SLC44A2: variants seen among roughly 807,000 people sequenced by gnomAD.
The protein encoded by SLC44A2 is choline transporter-like protein 2.
SLC44A2 carries 57 observed loss-of-function variants against 90.8 expected under a neutral mutation model. The ratio of observed to expected loss-of-function variants is 0.63; its 90% CI spans 0.51 to 0.78. The LOEUF is 0.78. Among genes scored for constraint, SLC44A2 ranks in the 30% least tolerant of loss-of-function variants. The pLI is 0.00. For synonymous variants in SLC44A2, 355 were observed against 360.7 expected (o/e 0.98, Z 0.18); for missense variants, 794 against 919.7 (o/e 0.86, Z 1.77).
At chr19:10,607,204 C>T (rs1918135797) in intron 1 of SLC44A2, among the ~76,000 whole-genome samples, 1 of 152,048 alleles carries the variant, frequency 6.6e-6, no homozygotes, top group Non-Finnish European at 1.5e-5. Flanking sequence ...TGAGCCACCT[C>T]GCCCGGCCTC....
upstream of SLC44A2, among the ~76,000 whole-genome samples, chr19:10,621,641 G>A (rs529890944): frequency 5.9e-5 from 9 of 151,530 alleles, no homozygotes; most frequent in South Asian, 2.1e-4. Context: ...TTTTTGAGAC[G>A]GAGTTTCACT....
In SLC44A2 at chr19:10,637,116, G is replaced by A. The variant is rs1032200746; in HGVS notation, c.1591+360G>A. On this transcript the variant is annotated intron_variant, in intron 16 of 21. Transcript: ENST00000335757. ...CACGCCTGTAATCCCAGCACTTTGGGAGGCTGAGGCGAGCGGATCACCTGA... is the reference window on the plus strand; with the variant it reads ...CACGCCTGTAATCCCAGCACTTTGGAAGGCTGAGGCGAGCGGATCACCTGA... The A allele has an allele frequency of 5.9e-5, 14 of 237,278 alleles. No homozygotes were observed. The East Asian group carries it at 8.8e-4, about 15-fold the overall frequency. 14.7% of individuals were successfully genotyped at this position (237,278 alleles called of 1,614,324 possible).
At chr19:10,633,066 A>G (rs1408298635) in intron 10 of SLC44A2, among the ~76,000 whole-genome samples, 1 of 152,140 alleles carries the variant, frequency 6.6e-6, no homozygotes, top group Non-Finnish European at 1.5e-5. Flanking sequence ...AAATATGGGT[A>G]GGGGCCTGTT....
chr19:10,625,367 G>A (rs1394087344), upstream of SLC44A2: 3 of 879,684 alleles, frequency 3.4e-6, no homozygotes, highest in East Asian at 3.8e-5. Context: ...GAAGCCGCAG[G>A]GTTCCCGGGT....
At position 10,635,076 on chromosome 19, in the gene SLC44A2, G is replaced by T. The variant is rs866806752; in HGVS notation, c.1055+3G>T. 9.9e-6 allele frequency: 16 copies of T among 1,614,004 alleles called. No homozygotes were observed. The highest frequency in any genetic ancestry group is 1.6e-4 in the Middle Eastern group (1 of 6,062). On this transcript the variant is annotated splice_donor_region_variant and intron_variant, in intron 12 of 21. Coordinates refer to ENST00000335757, the MANE Select transcript of SLC44A2 (RefSeq NM_020428.4). ...GCACTCATCAAAGAAGCCAGCAGGT[G>T]GGGGGCCAGGGTGCCAGGGGCCAGG...
At chr19:10,627,898 G>A (rs2066951213) in intron 3 of SLC44A2, 22 bp from the exon 4 acceptor site, 3 of 1,613,326 alleles carry the variant, frequency 1.9e-6, no homozygotes, top group Non-Finnish European at 2.5e-6. Context: ...CAGTGTCTCA[G>A]TATCCCTGGA....
intron 1 of SLC44A2, among the ~76,000 whole-genome samples, chr19:10,617,363 G>A (rs1015531365): frequency 6.6e-6 from 1 of 152,100 alleles, no homozygotes; most frequent in African/African-American, 2.4e-5. Context: ...AGGTTAATAA[G>A]AGCTAATGGA....
At chr19:10,610,333 T>G (rs1788439144) in intron 1 of SLC44A2, among the ~76,000 whole-genome samples, 1 of 120,074 alleles carries the variant, frequency 8.3e-6, no homozygotes, top group African/African-American at 3.1e-5. Flanking sequence ...TTCTTTTCCT[T>G]TTTTTTTTTT....
At position 10,632,071 on chromosome 19, in the gene SLC44A2, C is replaced by T. The variant is rs764788834; in HGVS notation, c.738C>T (p.Ser246=). The part of the protein sequence containing the change: ...IIGLVIAMAM[S]LLFIILLRFL... ...GCCTGGTCATTGCCATGGCGATGAG[C>T]CTCCTGTTCATCATCCTGCTTCGCT... The change falls in exon 10 of 22, where the codon AGC becomes AGT. Residue 246 remains serine (S), a synonymous_variant. Coordinates refer to ENST00000335757, the MANE Select transcript of SLC44A2 (RefSeq NM_020428.4). 3 of 1,614,120 alleles carry T rather than the reference C, an allele frequency of 1.9e-6. No individual in the cohort carries two copies. Among genetic ancestry groups the T allele is most frequent in the Non-Finnish European group, 2.5e-6 (3 of 1,180,012 alleles).
At chr19:10,637,441 T>C in intron 16 of SLC44A2, 2 of 583,226 alleles carry the variant, frequency 3.4e-6, no homozygotes, top group Non-Finnish European at 6.1e-6. Context: ...ACAGGATCTC[T>C]CACCCTGTCA....
chr19:10,618,042 C>T (rs1478854073), intron 1 of SLC44A2, among the ~76,000 whole-genome samples: 1 of 152,150 alleles, frequency 6.6e-6, no homozygotes, highest in African/African-American at 2.4e-5. Context: ...TCACTCTTCT[C>T]ATCCAGGCTG....
Position 10,627,708 on chromosome 19 carries a change from C to T in SLC44A2, c.87-14C>T. ...CACCAAGCCTCCTCCAAACACTGCC[C>T]CTCTGCTCCCCAGGGGCTGCACGGA... On this transcript the variant is annotated splice_polypyrimidine_tract_variant and intron_variant, in intron 2 of 21. Transcript: ENST00000335757. 6.2e-7 allele frequency: 1 copy of T among 1,612,608 alleles called. No homozygotes were observed. The highest frequency in any genetic ancestry group is 1.1e-5 in the South Asian group (1 of 90,984).
At position 10,632,111 on chromosome 19, in the gene SLC44A2, A is replaced by G. The variant is rs1254298388; in HGVS notation, c.778A>G (p.Met260Val). ...IILLRFLAGIMVWVMIIMVIL... is the reference protein window; with the variant it reads ...IILLRFLAGIVVWVMIIMVIL... ...CCTGCTTCGCTTCCTGGCTGGTATT[A>G]TGGTCTGGGTGATGATCATCATGGT... The change falls in exon 10 of 22, where the codon ATG becomes GTG. Residue 260 changes from methionine (M) to valine (V), a missense_variant. Transcript: ENST00000335757. 5 of 1,613,884 alleles carry G rather than the reference A, an allele frequency of 3.1e-6. No individual in the cohort carries two copies. Among genetic ancestry groups the G allele is most frequent in the Non-Finnish European group, 4.2e-6 (5 of 1,179,964 alleles).
Position 10,636,756 on chromosome 19 carries a change from G to A in SLC44A2, c.1591G>A (p.Ala531Thr). 1 of 1,613,272 alleles carries A rather than the reference G, an allele frequency of 6.2e-7. No individual in the cohort carries two copies. Among genetic ancestry groups the A allele is most frequent in the Non-Finnish European group, 8.5e-7 (1 of 1,179,578 alleles). ...CGAGTACCTGGATCAGCGGCTGAAAGGTACGTCCCACCCACGGTTCGCATT... is the reference window on the plus strand; with the variant it reads ...CGAGTACCTGGATCAGCGGCTGAAAAGTACGTCCCACCCACGGTTCGCATT... Reference protein sequence around the residue: ...ILEYLDQRLKAAENKFAKCLM... With the variant: ...ILEYLDQRLKTAENKFAKCLM... The change falls in exon 16 of 22, where the codon GCT becomes ACT. Residue 531 changes from alanine (A) to threonine (T), a missense_variant and splice_region_variant. Ala to Thr is a moderately conservative substitution (Grantham distance 58). Coordinates refer to ENST00000335757, the MANE Select transcript of SLC44A2 (RefSeq NM_020428.4).
intron 21 of SLC44A2, 193 bp from the exon 22 acceptor site, chr19:10,643,086 G>A (rs2067136069): frequency 2.1e-6 from 3 of 1,456,716 alleles, no homozygotes; most frequent in East Asian, 2.4e-5. Flanking sequence ...GAAGCGGGGG[G>A]GTTCCTGGCC....
At chr19:10,606,254 C>T (rs1409884400) in intron 1 of SLC44A2, among the ~76,000 whole-genome samples, 10 of 149,972 alleles carry the variant, frequency 6.7e-5, no homozygotes, top group South Asian at 2.1e-4. Flanking sequence ...GCAAAGATAG[C>T]GCCACTGCAC....
chr19:10,612,905 T>C (rs892393983), intron 1 of SLC44A2, among the ~76,000 whole-genome samples: 4 of 152,212 alleles, frequency 2.6e-5, no homozygotes, highest in African/African-American at 9.6e-5. Context: ...GGAAAAGGCC[T>C]GGGTTGGCTC....
In SLC44A2 at chr19:10,637,721, T is replaced by A. The variant is rs553168547; in HGVS notation, c.1669T>A (p.Phe557Ile). 1.2e-6 allele frequency: 2 copies of A among 1,613,978 alleles called. No homozygotes were observed. The highest frequency in any genetic ancestry group is 1.7e-6 in the Non-Finnish European group (2 of 1,180,018). ...CTGGTGCCTGGAGAAGTTCATCAAA[T>A]TCCTTAATAGGAATGCCTACATCAT... ...CFWCLEKFIK[F>I]LNRNAYIMIA... The change falls in exon 17 of 22, where the codon TTC becomes ATC. Residue 557 changes from phenylalanine (F) to isoleucine (I), a missense_variant. Transcript: ENST00000335757.
At chr19:10,642,527 C>A in intron 21 of SLC44A2, 76 bp downstream of exon 21, 1 of 1,357,824 alleles carries the variant, frequency 7.4e-7, no homozygotes, top group Non-Finnish European at 1.0e-6. Flanking sequence ...CACCCTCCAA[C>A]GGGGCAACAC....
Sources: allele counts gnomAD v4.1 joint callset (sites outside exome capture counted in the v4.1 genomes callset), GRCh38; gene constraint gnomAD v4.1.1; transcripts MANE v1.5; gene names NCBI Gene and HGNC (gene_info 2026-07-23, HGNC 2026-07-21).